The following GRIK4 variants were observed in gnomAD, a reference collection of about 807,000 sequenced individuals.
The protein encoded by GRIK4 is glutamate ionotropic receptor kainate type subunit 4, also known as glutamate receptor ionotropic, kainate 4.
In GRIK4, 40 loss-of-function variants were observed where a neutral mutation model predicts 104.9. The ratio of observed to expected loss-of-function variants is 0.38; its 90% confidence interval spans 0.30 to 0.50. GRIK4 has a LOEUF of 0.50. Among genes scored for constraint, GRIK4 ranks in the 20% least tolerant of loss-of-function variants. The probability of loss-of-function intolerance (pLI) is 0.93; values close to 1 mark genes in which losing one functional copy is unlikely to be tolerated. For missense variants in GRIK4, 1,047 were observed against 1,308.1 expected, an observed-to-expected ratio of 0.80 and a Z score of 3.08; for synonymous variants, 485 against 524.9, an observed-to-expected ratio of 0.92 and a Z score of 1.04.
chr11:120,947,595 A>T (rs1943893209), intron 14 of GRIK4, among the ~76,000 whole-genome samples: 1 of 152,226 alleles, frequency 6.6e-6, no homozygotes, highest in Non-Finnish European at 1.5e-5. Flanking sequence ...AAGAAAATGG[A>T]AAATGAATAG....
intron 13 of GRIK4, among the ~76,000 whole-genome samples, chr11:120,935,115 T>C (rs781082408): frequency 3.3e-5 from 5 of 152,294 alleles, no homozygotes; most frequent in Non-Finnish European, 7.4e-5. Context: ...CGCTGTCTCT[T>C]CTAGTCAGGC....
Position 120,902,559 on chromosome 11 carries a change from G to A in GRIK4, c.1273-2731G>A, listed in dbSNP as rs142194589. On this transcript the variant is annotated intron_variant, in intron 12 of 20. Coordinates refer to ENST00000527524, the MANE Select transcript of GRIK4 (RefSeq NM_014619.5). The surrounding 1 kb of genome is among the most constrained non-coding windows in gnomAD (Gnocchi z 4.5). ...CCCCCAGCCATGCCCTGTCCAGGAA[G>A]CCATTTGTTTGCTTCTTACTCACAT... Among the ~76,000 whole-genome samples the A allele has an allele frequency of 1.3e-5, 2 of 152,154 alleles. No homozygotes were observed. The highest frequency in any genetic ancestry group is 2.4e-5 in the African/African-American group (1 of 41,420).
intron 3 of GRIK4, among the ~76,000 whole-genome samples, chr11:120,739,666 A>G (rs561295069): frequency 6.6e-6 from 1 of 152,338 alleles, no homozygotes; most frequent in South Asian, 2.1e-4. Flanking sequence ...ACATATACCT[A>G]TCAGAGCAAA....
intron 1 of GRIK4, among the ~76,000 whole-genome samples, chr11:120,640,404 TC>T (rs1949455748): frequency 6.6e-6 from 1 of 152,220 alleles, no homozygotes; most frequent in South Asian, 2.1e-4. Flanking sequence ...TACCTTGATT[TC>T]AAGGTGGAAA....
chr11:120,923,664 C>T (rs777604787), intron 13 of GRIK4, among the ~76,000 whole-genome samples: 9 of 152,064 alleles, frequency 5.9e-5, no homozygotes, highest in Admixed American at 1.3e-4. Context: ...CCGCCCGGCT[C>T]GGCCTCCCAA....
At chr11:120,613,478 T>C (rs994469159) in intron 1 of GRIK4, among the ~76,000 whole-genome samples, 2 of 152,232 alleles carry the variant, frequency 1.3e-5, no homozygotes, top group Non-Finnish European at 2.9e-5. Flanking sequence ...GGCTGATGTG[T>C]GCATGTGTTG....
Position 120,892,285 on chromosome 11 carries a change from T to C in GRIK4, c.1165-6247T>C, listed in dbSNP as rs145262737. On this transcript the variant is annotated intron_variant, in intron 11 of 20. Coordinates refer to ENST00000527524, the MANE Select transcript of GRIK4 (RefSeq NM_014619.5). ...GCAAAGGACAGACCTCATGGGGCTT[T>C]GCAGGCCATAGTAAGAGTTTTGGTC... 3.6e-3 allele frequency among the ~76,000 whole-genome samples: 553 copies of C among 152,312 alleles called. 4 individuals are homozygous for C. The highest frequency in any genetic ancestry group is 0.013 in the African/African-American group (537 of 41,550).
intron 11 of GRIK4, among the ~76,000 whole-genome samples, chr11:120,896,583 C>T (rs1191546068): frequency 6.6e-6 from 1 of 152,226 alleles, no homozygotes; most frequent in Non-Finnish European, 1.5e-5. Context: ...CACGAGAGCT[C>T]CCAGCTGATG....
intron 1 of GRIK4, among the ~76,000 whole-genome samples, chr11:120,563,402 T>G (rs1321494582): frequency 1.3e-5 from 2 of 152,062 alleles, no homozygotes; most frequent in African/African-American, 4.8e-5. Flanking sequence ...AGTGACAAGC[T>G]TGTAAAAAGA....
At chr11:120,724,056 G>C (rs533361239) in intron 3 of GRIK4, among the ~76,000 whole-genome samples, 4 of 152,170 alleles carry the variant, frequency 2.6e-5, no homozygotes, top group Non-Finnish European at 5.9e-5. Flanking sequence ...GAATTAGTCA[G>C]TATGTAGCCT....
At position 120,724,157 on chromosome 11, in the gene GRIK4, T is replaced by C. The variant is rs537745277; in HGVS notation, c.82+63757T>C. On this transcript the variant is annotated intron_variant, in intron 3 of 20. Transcript: ENST00000527524. The stretch of plus-strand genomic sequence containing the variant: ...CAAGTTTGTTCCTTTTTTTGTTTGT[T>C]TGTTTTTGAGAGACAAGGTCTTGCT... Among the ~76,000 whole-genome samples the C allele has an allele frequency of 7.2e-5, 11 of 152,290 alleles. No individual in the cohort carries two copies. In the East Asian group the frequency reaches 2.1e-3, roughly 29 times the overall value.
At chr11:120,735,538 C>T (rs1350192535) in intron 3 of GRIK4, among the ~76,000 whole-genome samples, 2 of 152,236 alleles carry the variant, frequency 1.3e-5, no homozygotes, top group South Asian at 2.1e-4. Flanking sequence ...GTAACCAGTA[C>T]CTGGTTACCA....
chr11:120,716,379 G>T (rs1023124714), intron 3 of GRIK4, among the ~76,000 whole-genome samples: 1 of 151,986 alleles, frequency 6.6e-6, no homozygotes, highest in Non-Finnish European at 1.5e-5. Context: ...AAGTAGCTGG[G>T]ATTACAGGCG....
intron 1 of GRIK4, among the ~76,000 whole-genome samples, chr11:120,599,015 C>T (rs944405587): frequency 6.6e-6 from 1 of 152,222 alleles, no homozygotes; most frequent in Non-Finnish European, 1.5e-5. Flanking sequence ...GCTTTGTGGT[C>T]ATTCTGCGTT....
chr11:120,525,639 C>T (rs563323106), intron 1 of GRIK4, among the ~76,000 whole-genome samples: 5 of 152,310 alleles, frequency 3.3e-5, no homozygotes, highest in South Asian at 4.1e-4. Context: ...GCTACGTCCC[C>T]GTGTCTAGGC....
chr11:120,807,316 T>C (rs1480205853), intron 4 of GRIK4, among the ~76,000 whole-genome samples: 1 of 152,166 alleles, frequency 6.6e-6, no homozygotes, highest in Non-Finnish European at 1.5e-5. Flanking sequence ...AACCTGAGGC[T>C]CCGTCCCAGC....
At chr11:120,970,191 C>T (rs1463815850) in intron 19 of GRIK4, among the ~76,000 whole-genome samples, 1 of 152,180 alleles carries the variant, frequency 6.6e-6, no homozygotes, top group Non-Finnish European at 1.5e-5. Flanking sequence ...ATAGCCTTCG[C>T]ACCAGGAGCT....
At chr11:120,650,665 T>C (rs2135217678) in intron 1 of GRIK4, among the ~76,000 whole-genome samples, 1 of 152,326 alleles carries the variant, frequency 6.6e-6, no homozygotes, top group Admixed American at 6.5e-5. Flanking sequence ...GACTGTAAGC[T>C]CTATGAAGGC....
chr11:120,890,026 C>T (rs1390726030), intron 11 of GRIK4, among the ~76,000 whole-genome samples: 1 of 152,078 alleles, frequency 6.6e-6, no homozygotes, highest in Non-Finnish European at 1.5e-5. Flanking sequence ...ATCAACTTCC[C>T]AAGACCATGT....
Sources: gnomAD v4.1 joint callset for allele counts (sites outside exome capture counted in the v4.1 genomes callset) on GRCh38, gnomAD v4.1.1 for gene constraint, Gnocchi (gnomAD v3.1) non-coding constraint, MANE v1.5 for transcripts, NCBI Gene and HGNC (gene_info 2026-07-23, HGNC 2026-07-21) for gene names.